PHF21A: variants seen among roughly 807,000 people sequenced by gnomAD.
The protein encoded by PHF21A is BHC80a.
In PHF21A, 11 loss-of-function variants were observed where a neutral mutation model predicts 82.5. The observed-to-expected ratio is 0.13, with a 90% CI of 0.08 to 0.22. The LOEUF (loss-of-function observed/expected upper bound fraction) is 0.22, where lower values mean the gene tolerates loss of function less well. Ranked by LOEUF, PHF21A falls within the 10% of genes least tolerant of loss-of-function variation. The pLI, the probability that PHF21A is intolerant of heterozygous loss-of-function variation, is 1.00. For synonymous variants in PHF21A, 297 were observed against 302.8 expected (o/e 0.98, Z 0.20); for missense variants, 579 against 837.8 (o/e 0.69, Z 3.81).
At chr11:45,960,754 A>C (rs2093025495) in intron 10 of PHF21A, among the ~76,000 whole-genome samples, 1 of 152,244 alleles carries the variant, frequency 6.6e-6, no homozygotes, top group African/African-American at 2.4e-5. Context: ...CCCTTCGATG[A>C]ATCTAAAGTT....
chr11:46,097,348 G>A (rs984615375), intron 1 of PHF21A, among the ~76,000 whole-genome samples: 16 of 151,978 alleles, frequency 1.1e-4, no homozygotes, highest in Admixed American at 5.9e-4. Flanking sequence ...ACTCGAAGCC[G>A]TCCCATCTCC....
chr11:45,944,361 G>C (rs1565183291), intron 15 of PHF21A, among the ~76,000 whole-genome samples: 1 of 152,164 alleles, frequency 6.6e-6, no homozygotes, highest in Non-Finnish European at 1.5e-5. Flanking sequence ...GTTAACAACT[G>C]ATGAATCAAT....
rs1308117791 is a variant in PHF21A, at chr11:45,931,965, G to A, written c.*2003C>T. 1.3e-5 allele frequency: 2 copies of A among 152,346 alleles called. No individual in the cohort carries two copies. Among genetic ancestry groups the A allele is most frequent in the Non-Finnish European group, 2.9e-5 (2 of 68,102 alleles). 9.4% of individuals were successfully genotyped at this position (152,346 alleles called of 1,614,324 possible). ...GCCCAGGGTCACCCAGGAGGCTTGT[G>A]GGTGGGTGGAGTGGAGTAAATTTCT... On this transcript the variant is annotated 3_prime_UTR_variant, in exon 19 of 19. Transcript: ENST00000676320.
intron 6 of PHF21A, among the ~76,000 whole-genome samples, chr11:46,035,548 G>C (rs895918646): frequency 1.3e-5 from 2 of 152,156 alleles, no homozygotes; most frequent in Non-Finnish European, 2.9e-5. Flanking sequence ...GAAGCAAAGA[G>C]AGACAAATCA....
In PHF21A at chr11:45,949,432, C is replaced by T. The variant is rs768776752; in HGVS notation, c.1197G>A (p.Pro399=). The T allele has an allele frequency of 1.5e-5, 25 of 1,614,068 alleles. No individual in the cohort carries two copies. The Middle Eastern group carries it at 4.9e-4, about 32-fold the overall frequency. ...GCTCAAAGACTGCTCCACTGTAGAC[C>T]GGATTTGCTGTTGTTCTTCTTTTTC... is the stretch of plus-strand genomic sequence containing the variant. ...QERKRRTTAN[P]VYSGAVFEPE... Residue 399 remains proline, a synonymous_variant, in exon 13 of 19, where the codon CCG becomes CCA. Coordinates refer to ENST00000676320, the MANE Select transcript of PHF21A (RefSeq NM_001352027.3).
chr11:45,946,064 G>T (rs777229345), intron 14 of PHF21A, 61 bp from the exon 15 acceptor site: 5 of 1,614,012 alleles, frequency 3.1e-6, no homozygotes, highest in Admixed American at 1.7e-5. Flanking sequence ...GGGGGAAAAT[G>T]ATCTTACATA....
intron 6 of PHF21A, among the ~76,000 whole-genome samples, chr11:46,068,410 A>C (rs1207932218): frequency 6.6e-6 from 1 of 152,232 alleles, no homozygotes; most frequent in Non-Finnish European, 1.5e-5. Context: ...ATTTGAAAGC[A>C]CATGATATAG....
chr11:46,026,558 C>A lies in PHF21A; in HGVS notation c.154-46592G>T, dbSNP rs1328643808. The stretch of plus-strand genomic sequence containing the variant: ...CTACCTCTTCTCTACCCTGTTCGCC[C>A]CTCAAACAAGTTTATGTGGTAAACT... On this transcript the variant is annotated intron_variant, in intron 6 of 18. Coordinates refer to ENST00000676320, the MANE Select transcript of PHF21A (RefSeq NM_001352027.3). Among the ~76,000 whole-genome samples the A allele has an allele frequency of 2.6e-5, 4 of 152,066 alleles. No individual in the cohort carries two copies. The East Asian group carries it at 7.7e-4, about 29-fold the overall frequency.
intron 15 of PHF21A, 56 bp downstream of exon 15, chr11:45,945,784 C>T (rs1348874183): frequency 5.6e-6 from 8 of 1,433,430 alleles, no homozygotes; most frequent in East Asian, 2.3e-5. Context: ...CATATGATAA[C>T]GCTTTTCCCA....
chr11:46,113,878 TA>T (rs1460205979), intron 1 of PHF21A, among the ~76,000 whole-genome samples: 1 of 151,994 alleles, frequency 6.6e-6, no homozygotes, highest in Admixed American at 6.6e-5. Context: ...TTTTAACAAT[TA>T]TTCAAGATGT....
intron 15 of PHF21A, among the ~76,000 whole-genome samples, chr11:45,939,755 A>T (rs1590954810): frequency 6.8e-6 from 1 of 147,268 alleles, no homozygotes; most frequent in East Asian, 2.0e-4. Flanking sequence ...TAAAATTGGA[A>T]GAGGAGAACA....
chr11:45,995,859 A>T (rs1289699456), intron 6 of PHF21A, among the ~76,000 whole-genome samples: 1 of 152,232 alleles, frequency 6.6e-6, no homozygotes, highest in Non-Finnish European at 1.5e-5. Context: ...ATCAAAAGTG[A>T]TTCAAAAACC....
chr11:45,979,824 T>G lies in PHF21A; in HGVS notation c.296A>C (p.Gln99Pro). The G allele has an allele frequency of 1.2e-6, 2 of 1,614,158 alleles. No homozygotes were observed. The highest frequency in any genetic ancestry group is 1.7e-6 in the Non-Finnish European group (2 of 1,180,036). Residue 99 changes from glutamine (Q) to proline (P), a missense_variant, in exon 7 of 19, where the codon CAG becomes CCG. Physicochemically the swap from Gln to Pro is moderately conservative, Grantham distance 76. Transcript: ENST00000676320. Reference sequence around the variant, plus strand: ...CTGGGCGTGGTGGTGGTGGTACTGCTGCTGTTGTTGTAGTTGCTGTAGTGG... The same window carrying G: ...CTGGGCGTGGTGGTGGTGGTACTGCGGCTGTTGTTGTAGTTGCTGTAGTGG... ...QQPLQQLQQQ[Q>P]QYHHHHAQQS...
At chr11:46,097,740 G>A (rs927327822) in intron 1 of PHF21A, among the ~76,000 whole-genome samples, 14 of 152,004 alleles carry the variant, frequency 9.2e-5, no homozygotes, top group Admixed American at 6.6e-4. Flanking sequence ...CTCCTAAAGT[G>A]TTTATCCTCT....
intron 6 of PHF21A, among the ~76,000 whole-genome samples, chr11:46,066,667 C>T (rs1399554757): frequency 1.3e-5 from 2 of 152,082 alleles, no homozygotes; most frequent in African/African-American, 2.4e-5. Context: ...CCACCGCACA[C>T]CAGCTTGGGC....
chr11:46,096,791 C>T (rs1243368561), intron 1 of PHF21A, among the ~76,000 whole-genome samples: 1 of 152,088 alleles, frequency 6.6e-6, no homozygotes, highest in Admixed American at 6.6e-5. Flanking sequence ...ATCTCTAGCA[C>T]ATATCCTTCC....
intron 6 of PHF21A, among the ~76,000 whole-genome samples, chr11:46,000,762 A>C (rs1197759056): frequency 6.6e-6 from 1 of 151,954 alleles, no homozygotes; most frequent in African/African-American, 2.4e-5. Context: ...TCTACTAAAA[A>C]TACAAAAATT....
intron 6 of PHF21A, among the ~76,000 whole-genome samples, chr11:46,051,071 A>G (rs1267280412): frequency 6.6e-6 from 1 of 152,228 alleles, no homozygotes; most frequent in Non-Finnish European, 1.5e-5. Flanking sequence ...TTCCTGGGAA[A>G]CAGCAGCAAA....
intron 6 of PHF21A, among the ~76,000 whole-genome samples, chr11:46,045,634 T>C (rs893168273): frequency 1.3e-5 from 2 of 152,192 alleles, no homozygotes; most frequent in African/African-American, 4.8e-5. Flanking sequence ...AAAAGAATGG[T>C]TAGAAATCAA....
Sources: gnomAD v4.1 joint callset for allele counts (sites outside exome capture counted in the v4.1 genomes callset) on GRCh38, gnomAD v4.1.1 for gene constraint, MANE v1.5 for transcripts, NCBI Gene and HGNC (gene_info 2026-07-23, HGNC 2026-07-21) for gene names.